The following GPR39 variants were observed in gnomAD, a reference collection of about 807,000 sequenced individuals.
The protein encoded by GPR39 is G protein-coupled receptor 39.
GPR39 carries 23 observed loss-of-function variants against 18.4 expected under a neutral mutation model. The observed-to-expected ratio is 1.25, with a 90% CI of 0.90 to 1.77. The LOEUF (loss-of-function observed/expected upper bound fraction) is 1.77, where lower values mean the gene tolerates loss of function less well. Among genes scored for constraint, GPR39 ranks in the 40% most tolerant of loss-of-function variants. GPR39 has a pLI of 0.00. For synonymous variants in GPR39, 280 were observed against 257.9 expected, an observed-to-expected ratio of 1.09 and a Z score of -0.82; for missense variants, 647 against 602.4, an observed-to-expected ratio of 1.07 and a Z score of -0.78.
intron 1 of GPR39, among the ~76,000 whole-genome samples, chr2:132,551,309 C>T (rs1469802338): frequency 6.6e-6 from 1 of 152,044 alleles, no homozygotes; most frequent in Non-Finnish European, 1.5e-5. Flanking sequence ...CAGATATGTC[C>T]AAGAAGTCTT....
intron 1 of GPR39, among the ~76,000 whole-genome samples, chr2:132,588,466 G>C (rs1680769730): frequency 6.6e-6 from 1 of 152,198 alleles, no homozygotes; most frequent in Admixed American, 6.5e-5. Context: ...GTGATGTCTA[G>C]AATCTCAGCT....
rs188963463 is a variant in GPR39, at chr2:132,645,384, C to T, written c.1140C>T (p.Ser380=). The stretch of plus-strand genomic sequence containing the variant: ...AGCGCCTGCGCGTACATGCGCACTC[C>T]ACCACCGACAGCGCCCGCTTTGTGC... The part of the protein sequence containing the change: ...HEKRLRVHAH[S]TTDSARFVQR... The change falls in exon 2 of 2, where the codon TCC becomes TCT. Residue 380 remains serine, a synonymous_variant. Transcript: ENST00000329321. 5.6e-6 allele frequency: 9 copies of T among 1,613,750 alleles called. No individual in the cohort carries two copies. Among genetic ancestry groups the T allele is most frequent in the Admixed American group, 1.7e-5 (1 of 60,016 alleles).
intron 1 of GPR39, among the ~76,000 whole-genome samples, chr2:132,586,415 C>T (rs1431683641): frequency 6.6e-6 from 1 of 152,144 alleles, no homozygotes; most frequent in Non-Finnish European, 1.5e-5. Context: ...TGCTGGCTGA[C>T]CAAACGGTTC....
intron 1 of GPR39, among the ~76,000 whole-genome samples, chr2:132,627,226 C>A (rs111282507): frequency 6.6e-6 from 1 of 152,148 alleles, no homozygotes; most frequent in African/African-American, 2.4e-5. Context: ...GTATAGAGAG[C>A]GAGGACTACC....
chr2:132,470,274 A>G (rs1043463302), intron 1 of GPR39, among the ~76,000 whole-genome samples: 1 of 152,170 alleles, frequency 6.6e-6, no homozygotes, highest in African/African-American at 2.4e-5. Context: ...TGGGAGTGCT[A>G]TGGAGGGAGG....
In GPR39 at chr2:132,645,472, T is replaced by G. The variant is rs570349318; in HGVS notation, c.1228T>G (p.Leu410Val). The G allele has an allele frequency of 6.2e-7, 1 of 1,614,052 alleles. No individual in the cohort carries two copies. The highest frequency in any genetic ancestry group is 1.7e-5 in the Admixed American group (1 of 60,026). ...TGCAAGGAGAACTGAGAAGATTTTCTTAAGCACTTTTCAGAGCGAGGCCGA... is the reference window on the plus strand; with the variant it reads ...TGCAAGGAGAACTGAGAAGATTTTCGTAAGCACTTTTCAGAGCGAGGCCGA... ...SSARRTEKIF[L>V]STFQSEAEPQ... The change falls in exon 2 of 2, where the codon TTA becomes GTA. Residue 410 changes from leucine (L) to valine (V), a missense_variant. Coordinates refer to ENST00000329321, the MANE Select transcript of GPR39 (RefSeq NM_001508.3).
At chr2:132,559,265 T>A (rs116165091) in intron 1 of GPR39, among the ~76,000 whole-genome samples, 1,682 of 152,280 alleles carry the variant, frequency 0.011, 14 homozygotes, top group Non-Finnish European at 0.014. Flanking sequence ...GAGTGAGATA[T>A]GGCTTTGTAA....
Position 132,511,907 on chromosome 2 carries a change from G to A in GPR39, c.856+94009G>A, listed in dbSNP as rs547147645. On this transcript the variant is annotated intron_variant, in intron 1 of 1. Coordinates refer to ENST00000329321, the MANE Select transcript of GPR39 (RefSeq NM_001508.3). ...GGCAGACTCTATACATTGAACCACTGTGCTACGTGCGTATCGAAAAGTGCA... is the reference window on the plus strand; with the variant it reads ...GGCAGACTCTATACATTGAACCACTATGCTACGTGCGTATCGAAAAGTGCA... 3.3e-5 allele frequency among the ~76,000 whole-genome samples: 5 copies of A among 149,540 alleles called. No individual in the cohort carries two copies. In the South Asian group the frequency reaches 1.1e-3, roughly 32 times the overall value.
chr2:132,632,817 A>G (rs902920144), intron 1 of GPR39, among the ~76,000 whole-genome samples: 3 of 152,208 alleles, frequency 2.0e-5, no homozygotes, highest in African/African-American at 7.2e-5. Context: ...CTTCTGGGGC[A>G]GATGATTGGA....
chr2:132,607,608 A>G (rs559668340), intron 1 of GPR39, among the ~76,000 whole-genome samples: 14 of 152,302 alleles, frequency 9.2e-5, no homozygotes, highest in Non-Finnish European at 1.6e-4. Flanking sequence ...GGCAAATTTT[A>G]TCTGGGGGAA....
intron 1 of GPR39, among the ~76,000 whole-genome samples, chr2:132,591,034 G>A (rs960631480): frequency 6.6e-6 from 1 of 151,236 alleles, no homozygotes; most frequent in Non-Finnish European, 1.5e-5. Context: ...GGTGGATCAT[G>A]AGGTCAGGAG....
intron 1 of GPR39, among the ~76,000 whole-genome samples, chr2:132,459,200 C>T (rs1194153954): frequency 6.6e-6 from 1 of 152,016 alleles, no homozygotes; most frequent in Non-Finnish European, 1.5e-5. Context: ...CTAGGTTCAT[C>T]ACAGGTAGAA....
At chr2:132,491,986 T>A (rs1681470883) in intron 1 of GPR39, among the ~76,000 whole-genome samples, 1 of 151,378 alleles carries the variant, frequency 6.6e-6, no homozygotes. Flanking sequence ...CATTATTAAT[T>A]TTCATTGATA....
At chr2:132,628,061 G>T (rs558450804) in intron 1 of GPR39, among the ~76,000 whole-genome samples, 2 of 152,234 alleles carry the variant, frequency 1.3e-5, no homozygotes, top group African/African-American at 4.8e-5. Flanking sequence ...CCCCCATGTT[G>T]GTTTCCTCTT....
chr2:132,451,299 C>T (rs932431650), intron 1 of GPR39, among the ~76,000 whole-genome samples: 17 of 152,284 alleles, frequency 1.1e-4, no homozygotes, highest in Middle Eastern at 3.4e-3. Context: ...CTTTATTGTT[C>T]ATCATAGTAC....
intron 1 of GPR39, among the ~76,000 whole-genome samples, chr2:132,512,191 C>G (rs1224712015): frequency 1.3e-5 from 2 of 152,120 alleles, no homozygotes; most frequent in East Asian, 3.9e-4. Flanking sequence ...TACATGTAAA[C>G]TTGGTAGGAG....
At chr2:132,593,193 G>A (rs141962940) in intron 1 of GPR39, among the ~76,000 whole-genome samples, 1 of 152,210 alleles carries the variant, frequency 6.6e-6, no homozygotes, top group Non-Finnish European at 1.5e-5. Flanking sequence ...TGGCAACTGG[G>A]GAAGCTCACC....
At chr2:132,443,918 A>G (rs1680482519) in intron 1 of GPR39, among the ~76,000 whole-genome samples, 1 of 152,178 alleles carries the variant, frequency 6.6e-6, no homozygotes, top group Admixed American at 6.5e-5. Context: ...ACAAAAATAC[A>G]AAACCTATCT....
intron 1 of GPR39, chr2:132,433,963 T>C (rs1182113445): frequency 6.6e-6 from 1 of 151,904 alleles, no homozygotes; most frequent in African/African-American, 2.4e-5. Context: ...CTGGAGACTT[T>C]AATGTCAGCA....
Sources: gnomAD v4.1 joint callset for allele counts (sites outside exome capture counted in the v4.1 genomes callset) on GRCh38, gnomAD v4.1.1 for gene constraint, MANE v1.5 for transcripts, NCBI Gene and HGNC (gene_info 2026-07-23, HGNC 2026-07-21) for gene names.